CTDSPL2: variants seen among roughly 807,000 people sequenced by gnomAD.
CTDSPL2 encodes the protein CTD small phosphatase like 2, also known as CTD small phosphatase-like protein 2.
Under a neutral mutation model 60.0 loss-of-function variants are expected in CTDSPL2, and 5 were observed. The ratio of observed to expected loss-of-function variants is 0.08; its 90% CI spans 0.04 to 0.18. The LOEUF (loss-of-function observed/expected upper bound fraction) is 0.18. CTDSPL2 is among the 10% of genes least tolerant of loss of function. CTDSPL2 has a pLI of 1.00. For synonymous variants in CTDSPL2, 186 were observed against 189.3 expected (o/e 0.98, Z 0.14); for missense variants, 370 against 548.8 (o/e 0.67, Z 3.26).
intron 1 of CTDSPL2, among the ~76,000 whole-genome samples, chr15:44,444,336 C>CACAG (rs2080157170): frequency 6.6e-6 from 1 of 150,580 alleles, no homozygotes; most frequent in Admixed American, 6.6e-5. Context: ...CACACACACA[C>CACAG]ACACAGACAC....
rs2081901024 is a variant in CTDSPL2 at position 44,528,160 on chromosome 15, GGA to G, written c.*3992_*3993del. 1 of 152,078 alleles carries G rather than the reference GGA, an allele frequency of 6.6e-6. No individual in the cohort carries two copies. The highest frequency in any genetic ancestry group is 2.4e-5 in the African/African-American group (1 of 41,422). The allele number at this position is 152,078 out of a possible 1,614,324, so 9.4% of individuals were successfully genotyped here. A position where few individuals can be genotyped will look rare whatever the true frequency, so the allele number is the denominator to read the frequency against. Reference sequence around the variant, plus strand: ...TTTTAAAAAAGGGTGGGGCGGCGGGGGAGAGAGCGACAAGTTTATACTAGTTT... The same window carrying G: ...TTTTAAAAAAGGGTGGGGCGGCGGGGGAGAGCGACAAGTTTATACTAGTTT... On this transcript the variant is annotated 3_prime_UTR_variant, in exon 13 of 13. Coordinates refer to ENST00000260327, the MANE Select transcript of CTDSPL2 (RefSeq NM_016396.3).
chr15:44,495,941 A>C (rs1458524422), intron 5 of CTDSPL2, among the ~76,000 whole-genome samples: 1 of 152,120 alleles, frequency 6.6e-6, no homozygotes, highest in Non-Finnish European at 1.5e-5. Context: ...TCAAAAAAAA[A>C]ACACAAAAAA....
At chr15:44,467,597 G>A (rs975212984) in intron 2 of CTDSPL2, among the ~76,000 whole-genome samples, 81 of 151,054 alleles carry the variant, frequency 5.4e-4, no homozygotes, top group South Asian at 2.1e-4. Flanking sequence ...TTTTTGAGAC[G>A]GAGTCTCACT....
chr15:44,441,104 T>C (rs1324744843), intron 1 of CTDSPL2, among the ~76,000 whole-genome samples: 1 of 152,184 alleles, frequency 6.6e-6, no homozygotes, highest in Admixed American at 6.5e-5. Context: ...GTCGGTGTTA[T>C]CTGGAAAAGA....
At chr15:44,469,996 G>T (rs926893005) in intron 2 of CTDSPL2, among the ~76,000 whole-genome samples, 3 of 151,642 alleles carry the variant, frequency 2.0e-5, no homozygotes, top group East Asian at 3.9e-4. Context: ...TACTTGGGAG[G>T]CTGAGGCAGG....
chr15:44,471,553 T>C (rs1457945753), intron 2 of CTDSPL2, among the ~76,000 whole-genome samples: 1 of 152,226 alleles, frequency 6.6e-6, no homozygotes, highest in Non-Finnish European at 1.5e-5. Flanking sequence ...GAGTTTACCC[T>C]GCCCCTTTAT....
At chr15:44,520,067 C>G (rs1286536432) in intron 11 of CTDSPL2, 2 of 151,806 alleles carry the variant, frequency 1.3e-5, no homozygotes, top group Non-Finnish European at 2.9e-5. Flanking sequence ...GCCACTGCGC[C>G]TGCCTGATGA....
Position 44,521,884 on chromosome 15 carries a change from G to T in CTDSPL2, c.1335+478G>T, listed in dbSNP as rs2081777079. 4.0e-5 allele frequency among the ~76,000 whole-genome samples: 5 copies of T among 126,196 alleles called. No homozygotes were observed. The South Asian group carries it at 1.4e-3, about 35-fold the overall frequency. The allele number at this position is 126,196 out of a possible 152,430, so 82.8% of individuals were successfully genotyped here. On this transcript the variant is annotated intron_variant, in intron 12 of 12. Transcript: ENST00000260327. ...ACCCGGGAGGCGGAGCTTGCAGTGA[G>T]CCGAGATCGCGCCACTGCACTCCAG...
In CTDSPL2 at chr15:44,484,485, C is replaced by T; in HGVS notation, c.325+123C>T. ...TGCAGTGGCTCATGCCTGTAATCCT[C>T]ACATTTTGGGAGGCCGAGGTCGGCG... On this transcript the variant is annotated intron_variant, in intron 3 of 12. Coordinates refer to ENST00000260327, the MANE Select transcript of CTDSPL2 (RefSeq NM_016396.3). 2.1e-6 allele frequency: 2 copies of T among 946,716 alleles called. 1 individual carries two copies. Among genetic ancestry groups the T allele is most frequent in the South Asian group, 3.1e-5 (2 of 63,870 alleles). 58.6% of individuals were successfully genotyped at this position (946,716 alleles called of 1,614,324 possible). A position where few individuals can be genotyped will look rare whatever the true frequency, so the allele number is the denominator to read the frequency against.
chr15:44,507,188 G>A (rs977259338), intron 8 of CTDSPL2, among the ~76,000 whole-genome samples: 6 of 151,142 alleles, frequency 4.0e-5, no homozygotes, highest in African/African-American at 1.5e-4. Flanking sequence ...GGGTTCAAGC[G>A]ATTCTCCTGC....
chr15:44,488,691 C>T (rs2081163575), intron 4 of CTDSPL2, among the ~76,000 whole-genome samples: 2 of 151,978 alleles, frequency 1.3e-5, no homozygotes, highest in African/African-American at 4.8e-5. Context: ...GGCGCACACC[C>T]ACCTGTAATC....
chr15:44,522,183 G>A (rs144128899), intron 12 of CTDSPL2, among the ~76,000 whole-genome samples: 68 of 151,980 alleles, frequency 4.5e-4, no homozygotes, highest in Non-Finnish European at 6.2e-4. Flanking sequence ...ATAGGCATGT[G>A]CGACCATGCC....
chr15:44,516,712 G>C (rs1295646234), intron 10 of CTDSPL2: 3 of 152,186 alleles, frequency 2.0e-5, no homozygotes, highest in Admixed American at 2.0e-4. Flanking sequence ...TGATAGTCAT[G>C]TTATGACAAT....
At chr15:44,446,033 C>G (rs1478513545) in intron 1 of CTDSPL2, among the ~76,000 whole-genome samples, 1 of 149,356 alleles carries the variant, frequency 6.7e-6, no homozygotes, top group East Asian at 2.0e-4. Flanking sequence ...GCAAGCGATT[C>G]TTCTGCCTCA....
intron 1 of CTDSPL2, chr15:44,448,690 G>T: frequency 9.3e-6 from 3 of 321,790 alleles, no homozygotes; most frequent in Non-Finnish European, 1.8e-5. Flanking sequence ...ATTTCTGCAG[G>T]CCCTGTTTCC....
intron 1 of CTDSPL2, 54 bp from the exon 2 acceptor site, chr15:44,458,937 G>T (rs1013314049): frequency 1.6e-6 from 2 of 1,223,506 alleles, no homozygotes; most frequent in South Asian, 1.9e-5. Flanking sequence ...GGTAGAGAAG[G>T]TTGAATTTAA....
chr15:44,428,807 T>A (rs1192257572), intron 1 of CTDSPL2, among the ~76,000 whole-genome samples: 1 of 152,182 alleles, frequency 6.6e-6, no homozygotes, highest in Non-Finnish European at 1.5e-5. Flanking sequence ...TCGTTCCTGG[T>A]CCATTTTTTA....
At chr15:44,523,715 T>C (rs1396958637) in intron 12 of CTDSPL2, among the ~76,000 whole-genome samples, 3 of 152,144 alleles carry the variant, frequency 2.0e-5, no homozygotes, top group Non-Finnish European at 4.4e-5. Flanking sequence ...CTGGCCAACA[T>C]GGTGAAACCT....
At chr15:44,474,937 A>G (rs986777573) in intron 2 of CTDSPL2, among the ~76,000 whole-genome samples, 5 of 152,196 alleles carry the variant, frequency 3.3e-5, no homozygotes, top group Non-Finnish European at 7.3e-5. Context: ...TTGCATAGCT[A>G]GCACAAATGT....
Sources: gnomAD v4.1 joint callset for allele counts (sites outside exome capture counted in the v4.1 genomes callset) on GRCh38, gnomAD v4.1.1 for gene constraint, MANE v1.5 for transcripts, NCBI Gene and HGNC (gene_info 2026-07-23, HGNC 2026-07-21) for gene names.